Variants in FAR2 observed in about 807,000 individuals in gnomAD.
FAR2 encodes fatty acyl-CoA reductase 2.
A neutral mutation model predicts 56.0 loss-of-function variants in FAR2; 19 were observed. The ratio of observed to expected loss-of-function variants is 0.34; its 90% CI spans 0.24 to 0.50. The LOEUF (loss-of-function observed/expected upper bound fraction) is 0.50, where lower values mean the gene tolerates loss of function less well. Ranked by LOEUF, FAR2 falls within the 20% of genes least tolerant of loss-of-function variation. The probability of loss-of-function intolerance (pLI) is 0.98; values close to 1 mark genes in which losing one functional copy is unlikely to be tolerated. For synonymous variants in FAR2, 219 were observed against 218.8 expected (o/e 1.00, Z -0.01); for missense variants, 508 against 642.2 (o/e 0.79, Z 2.26).
At chr12:29,185,230 G>A (rs1950029979) in intron 1 of FAR2, among the ~76,000 whole-genome samples, 1 of 152,114 alleles carries the variant, frequency 6.6e-6, no homozygotes, top group Non-Finnish European at 1.5e-5. Context: ...TCAAATTAAT[G>A]ATATATTACA....
intron 1 of FAR2, among the ~76,000 whole-genome samples, chr12:29,170,765 T>G (rs950936561): frequency 1.6e-5 from 2 of 126,640 alleles, no homozygotes; most frequent in African/African-American, 5.4e-5. Context: ...TCTCTCTCTC[T>G]CTCTCTGACT....
intron 1 of FAR2, among the ~76,000 whole-genome samples, chr12:29,201,065 C>T (rs977660365): frequency 1.3e-5 from 2 of 152,250 alleles, no homozygotes; most frequent in African/African-American, 4.8e-5. Flanking sequence ...AGTGCTGCCG[C>T]AACTATCCCT....
chr12:29,155,591 C>T (rs555533763), intron 1 of FAR2, among the ~76,000 whole-genome samples: 1 of 152,128 alleles, frequency 6.6e-6, no homozygotes, highest in South Asian at 2.1e-4. Flanking sequence ...ATTTTTAAAA[C>T]TTAGAAAAAA....
rs1300065453 is a variant in FAR2 at position 29,220,335 on chromosome 12, A to C, written c.-38-50077A>C. The stretch of plus-strand genomic sequence containing the variant: ...AGACTTAGTCTAGTTTCTTTCCATA[A>C]ATCAAAAGGTATAGGGAATCCTATG... On this transcript the variant is annotated intron_variant, in intron 1 of 11. Transcript: ENST00000536681. Among the ~76,000 whole-genome samples, 3 of 152,172 alleles carry C rather than the reference A, an allele frequency of 2.0e-5. No individual in the cohort carries two copies. In the East Asian group the frequency reaches 5.8e-4, roughly 29 times the overall value.
chr12:29,186,501 G>A (rs1185573382), intron 1 of FAR2, among the ~76,000 whole-genome samples: 1 of 152,088 alleles, frequency 6.6e-6, no homozygotes, highest in Non-Finnish European at 1.5e-5. Flanking sequence ...GCAAATAATC[G>A]CTTGAGATTA....
intron 1 of FAR2, among the ~76,000 whole-genome samples, chr12:29,267,340 A>G (rs1250023024): frequency 1.3e-5 from 2 of 152,240 alleles, no homozygotes; most frequent in African/African-American, 4.8e-5. Context: ...TATATTGCTA[A>G]GAGTTTTGCA....
chr12:29,290,069 G>T (rs1378712777), intron 2 of FAR2, among the ~76,000 whole-genome samples: 1 of 152,144 alleles, frequency 6.6e-6, no homozygotes, highest in Admixed American at 6.5e-5. Context: ...GGAGCAAAAG[G>T]AACCCTCATA....
intron 4 of FAR2, among the ~76,000 whole-genome samples, chr12:29,306,511 AGTTCT>A (rs893761722): frequency 2.6e-5 from 4 of 152,214 alleles, no homozygotes; most frequent in Admixed American, 6.5e-5. Flanking sequence ...AAAATAGTAT[AGTTCT>A]GTTCTGTTCT....
chr12:29,159,517 C>A (rs1339796717), intron 1 of FAR2, among the ~76,000 whole-genome samples: 8 of 41,396 alleles, frequency 1.9e-4, no homozygotes, highest in Non-Finnish European at 3.3e-4. Flanking sequence ...GAGACTCTGT[C>A]TCGGAAAAAA....
intron 1 of FAR2, among the ~76,000 whole-genome samples, chr12:29,219,120 C>T (rs1366241662): frequency 2.0e-5 from 3 of 152,024 alleles, no homozygotes; most frequent in South Asian, 2.1e-4. Flanking sequence ...AACTCCTGGG[C>T]TTAAGTGATC....
intron 1 of FAR2, among the ~76,000 whole-genome samples, chr12:29,199,367 A>AG (rs1438840175): frequency 6.6e-6 from 1 of 152,174 alleles, no homozygotes; most frequent in Non-Finnish European, 1.5e-5. Flanking sequence ...TGGGAGGCCG[A>AG]GGCGGGTGGA....
rs147932217 is a variant in FAR2 at position 29,305,827 on chromosome 12, C to G, written c.546-1831C>G. ...TGCGTGCTGTCAGAAATCTACGAAACCAAAATTTTCTAAGACAAGCAAACT... is the reference window on the plus strand; with the variant it reads ...TGCGTGCTGTCAGAAATCTACGAAAGCAAAATTTTCTAAGACAAGCAAACT... On this transcript the variant is annotated intron_variant, in intron 4 of 11. Coordinates refer to ENST00000536681, the MANE Select transcript of FAR2 (RefSeq NM_001271783.2). Among the ~76,000 whole-genome samples, 76 of 152,114 alleles carry G rather than the reference C, an allele frequency of 5.0e-4. 1 individual carries two copies. Among genetic ancestry groups the G allele is most frequent in the Non-Finnish European group, 8.1e-4 (55 of 67,976 alleles).
At chr12:29,267,134 A>T (rs879746461) in intron 1 of FAR2, among the ~76,000 whole-genome samples, 2 of 152,312 alleles carry the variant, frequency 1.3e-5, no homozygotes, top group Non-Finnish European at 1.5e-5. Context: ...ATTTGGTGAA[A>T]ATACTTGGCT....
At chr12:29,258,589 G>A (rs1474001368) in intron 1 of FAR2, among the ~76,000 whole-genome samples, 2 of 152,066 alleles carry the variant, frequency 1.3e-5, no homozygotes, top group African/African-American at 4.8e-5. Context: ...CATGCCTATT[G>A]CCAGCCAAAA....
chr12:29,322,712 C>T (rs1949573421), intron 10 of FAR2, among the ~76,000 whole-genome samples: 1 of 152,122 alleles, frequency 6.6e-6, no homozygotes, highest in Non-Finnish European at 1.5e-5. Flanking sequence ...ACATTTCCCA[C>T]TAAGAAACAA....
chr12:29,232,515 T>C (rs1401546987), intron 1 of FAR2, among the ~76,000 whole-genome samples: 1 of 152,120 alleles, frequency 6.6e-6, no homozygotes, highest in Non-Finnish European at 1.5e-5. Flanking sequence ...AAATTGACTA[T>C]CCATTAGGAC....
At chr12:29,312,349 T>A (rs968515585) in intron 8 of FAR2, among the ~76,000 whole-genome samples, 1 of 151,906 alleles carries the variant, frequency 6.6e-6, no homozygotes, top group Non-Finnish European at 1.5e-5. Flanking sequence ...CAATGACCAA[T>A]GAGATAGAAA....
chr12:29,177,774 T>A (rs562298956), intron 1 of FAR2, among the ~76,000 whole-genome samples: 2 of 152,236 alleles, frequency 1.3e-5, no homozygotes, highest in South Asian at 4.1e-4. Context: ...GTTCCAAGAT[T>A]TTCCTGAGAT....
At chr12:29,313,991 T>C (rs1949399265) in intron 8 of FAR2, among the ~76,000 whole-genome samples, 3 of 152,242 alleles carry the variant, frequency 2.0e-5, no homozygotes, top group Admixed American at 2.0e-4. Context: ...TATGGCTTTA[T>C]ATTTCGCTCA....
Sources: gnomAD v4.1 joint callset for allele counts (sites outside exome capture counted in the v4.1 genomes callset) on GRCh38, gnomAD v4.1.1 for gene constraint, MANE v1.5 for transcripts, NCBI Gene and HGNC (gene_info 2026-07-23, HGNC 2026-07-21) for gene names.